ARFGEF1: variants seen among roughly 807,000 people sequenced by gnomAD.
ARFGEF1 encodes ARF guanine nucleotide exchange factor 1, also known as brefeldin A-inhibited guanine nucleotide-exchange protein 1.
Under a neutral mutation model 231.0 loss-of-function variants are expected in ARFGEF1, and 42 were observed. The ratio of observed to expected loss-of-function variants is 0.18; its 90% CI spans 0.14 to 0.24. The LOEUF (loss-of-function observed/expected upper bound fraction) is 0.24. ARFGEF1 is among the 10% of genes least tolerant of loss of function. The pLI is 1.00. For synonymous variants in ARFGEF1, 710 were observed against 732.3 expected (o/e 0.97, Z 0.49); for missense variants, 1,345 against 2,192.0 (o/e 0.61, Z 7.72).
chr8:67,323,804 CT>C (rs762347341), intron 1 of ARFGEF1, among the ~76,000 whole-genome samples: 2,745 of 145,034 alleles, frequency 0.019, 68 homozygotes, highest in African/African-American at 0.059. Context: ...CAGAAATCTA[CT>C]TTTTTTTTTT....
chr8:67,343,334 C>G lies in ARFGEF1; in HGVS notation c.-47G>C. 6.4e-7 allele frequency: 1 copy of G among 1,568,476 alleles called. No individual in the cohort carries two copies. The highest frequency in any genetic ancestry group is 8.7e-7 in the Non-Finnish European group (1 of 1,152,408). ...GGCTCGTCCGACCCGCGGCTCCCAG[C>G]GGCTGGAGGGGAGGAGGAGGAGAGG... On this transcript the variant is annotated 5_prime_UTR_variant, in exon 1 of 39. Transcript: ENST00000262215.
rs1296740510 is a variant in ARFGEF1, at chr8:67,343,755, G to C, written c.-468C>G. On this transcript the variant is annotated 5_prime_UTR_variant, in exon 1 of 39. Transcript: ENST00000262215. ...AACTGGCCCCCATCACCGCCGACCT[G>C]CCCCGGCCGCCATGTTGGGAGGAAA... The C allele has an allele frequency of 3.8e-6, 1 of 263,622 alleles. No homozygotes were observed. The highest frequency in any genetic ancestry group is 2.3e-5 in the African/African-American group (1 of 43,382). The allele number at this position is 263,622 out of a possible 1,614,324, so 16.3% of individuals were successfully genotyped here.
chr8:67,181,382 G>A (rs923423473), intron 5 of ARFGEF1, among the ~76,000 whole-genome samples: 2 of 146,642 alleles, frequency 1.4e-5, no homozygotes, highest in Admixed American at 1.4e-4. Context: ...TCCTTTCCAA[G>A]GAAGATGCAC....
At chr8:67,310,783 G>A (rs1336031347) in intron 1 of ARFGEF1, among the ~76,000 whole-genome samples, 1 of 151,016 alleles carries the variant, frequency 6.6e-6, no homozygotes, top group African/African-American at 2.4e-5. Context: ...TCTCTGCCCG[G>A]CTGCCCCATC....
chr8:67,218,207 AATATAT>A (rs1228163654), intron 30 of ARFGEF1, 69 bp from the exon 31 acceptor site: 77 of 91,338 alleles, frequency 8.4e-4, no homozygotes, highest in Middle Eastern at 6.7e-3. Flanking sequence ...AAAAAAAAAA[AATATAT>A]ATATATATAT....
intron 15 of ARFGEF1, among the ~76,000 whole-genome samples, chr8:67,259,022 T>C (rs763307038): frequency 8.5e-5 from 13 of 152,118 alleles, no homozygotes; most frequent in Non-Finnish European, 1.9e-4. Context: ...TAATAGGTAA[T>C]ACAATGTAAA....
Position 67,292,003 on chromosome 8 carries a change from C to G in ARFGEF1, c.760G>C (p.Val254Leu), listed in dbSNP as rs370772971. The change falls in exon 6 of 39, where the codon GTT becomes CTT. Residue 254 changes from valine (V) to leucine (L), a missense_variant. Around this residue, in one of 14 missense-constraint regions of ARFGEF1, gnomAD observed 398 missense variants for 463.2 expected, o/e 0.86. Transcript: ENST00000262215. The part of the protein sequence containing the change: ...PQLRYLPPQT[V>L]DHISQEHEGD... The stretch of plus-strand genomic sequence containing the variant: ...TCGTGTTCTTGGGATATATGATCAA[C>G]AGTCTGAGGTGGCAAATATCTAAGT... The G allele has an allele frequency of 3.1e-5, 50 of 1,613,880 alleles. No homozygotes were observed. The Middle Eastern group carries it at 1.3e-3, about 42-fold the overall frequency.
intron 5 of ARFGEF1, chr8:67,175,678 G>T: frequency 1.6e-6 from 1 of 622,896 alleles, no homozygotes; most frequent in East Asian, 3.2e-5. Context: ...TAGCCAGGAG[G>T]ACTGAATACT....
chr8:67,316,512 G>T (rs936055647), intron 1 of ARFGEF1, among the ~76,000 whole-genome samples: 1 of 151,630 alleles, frequency 6.6e-6, no homozygotes, highest in African/African-American at 2.4e-5. Context: ...CCAGGCTGGA[G>T]TGCAGTGGCG....
At chr8:67,273,302 T>C (rs1038689374) in intron 9 of ARFGEF1, among the ~76,000 whole-genome samples, 2 of 151,318 alleles carry the variant, frequency 1.3e-5, no homozygotes, top group Non-Finnish European at 2.9e-5. Context: ...CAAACACAAT[T>C]TTCCTCCCAT....
chr8:67,242,922 G>C (rs1404474454), intron 19 of ARFGEF1, among the ~76,000 whole-genome samples: 1 of 152,156 alleles, frequency 6.6e-6, no homozygotes, highest in Non-Finnish European at 1.5e-5. Context: ...ACGGGCTAAG[G>C]CTCTTCTGCC....
chr8:67,298,146 A>G (rs2128913464), intron 4 of ARFGEF1, among the ~76,000 whole-genome samples: 1 of 152,102 alleles, frequency 6.6e-6, no homozygotes. Flanking sequence ...TGGCTTCTGA[A>G]GTAAACACAA....
intron 1 of ARFGEF1, among the ~76,000 whole-genome samples, chr8:67,310,968 G>GAGGGTCAGCTCCCC: frequency 6.9e-6 from 1 of 145,466 alleles, no homozygotes; most frequent in South Asian, 2.2e-4. Context: ...AGGGAGGTGG[G>GAGGGTCAGCTCCCC]GCCCGGGAGG....
chr8:67,339,938 A>T (rs2128939210), intron 1 of ARFGEF1, among the ~76,000 whole-genome samples: 1 of 152,014 alleles, frequency 6.6e-6, no homozygotes, highest in African/African-American at 2.4e-5. Context: ...GTTCCTTGAG[A>T]AGTCTTTGAG....
intron 1 of ARFGEF1, among the ~76,000 whole-genome samples, chr8:67,320,478 A>G (rs924067661): frequency 6.6e-6 from 1 of 152,184 alleles, no homozygotes; most frequent in Admixed American, 6.5e-5. Flanking sequence ...TATACTTACC[A>G]TATGACCCAG....
intron 17 of ARFGEF1, among the ~76,000 whole-genome samples, chr8:67,254,445 A>C (rs768171512): frequency 6.6e-6 from 1 of 152,204 alleles, no homozygotes; most frequent in African/African-American, 2.4e-5. Flanking sequence ...CACCTTCCAT[A>C]AAGAACTTAA....
chr8:67,209,849 T>G (rs72654952), intron 34 of ARFGEF1, among the ~76,000 whole-genome samples: 12,673 of 151,878 alleles, frequency 0.083, 782 homozygotes, highest in African/African-American at 0.18. Context: ...AAAGGGTTGC[T>G]CCTTAAAAAG....
chr8:67,311,416 G>A (rs1807045647), intron 1 of ARFGEF1, among the ~76,000 whole-genome samples: 2 of 135,270 alleles, frequency 1.5e-5, no homozygotes, highest in African/African-American at 5.6e-5. Context: ...GGAGGGAGGT[G>A]GGGGGTCAGC....
intron 15 of ARFGEF1, among the ~76,000 whole-genome samples, chr8:67,259,012 T>A (rs1222400720): frequency 6.6e-6 from 1 of 152,160 alleles, no homozygotes; most frequent in Non-Finnish European, 1.5e-5. Context: ...AGATTACTTA[T>A]AATAGGTAAT....
Sources: allele counts gnomAD v4.1 joint callset (sites outside exome capture counted in the v4.1 genomes callset), GRCh38; gene constraint gnomAD v4.1.1; regional missense constraint gnomAD v4.1.1; transcripts MANE v1.5; gene names NCBI Gene and HGNC (gene_info 2026-07-23, HGNC 2026-07-21).